SNCAIP: variants seen among roughly 807,000 people sequenced by gnomAD.
SNCAIP encodes synuclein alpha interacting protein.
Under a neutral mutation model 86.7 loss-of-function variants are expected in SNCAIP, and 43 were observed. The observed-to-expected ratio is 0.50, with a 90% CI of 0.39 to 0.64. The LOEUF is 0.64. SNCAIP is among the 30% of genes least tolerant of loss of function. The pLI, the probability that SNCAIP is intolerant of heterozygous loss-of-function variation, is 0.00. For synonymous variants in SNCAIP, 417 were observed against 427.2 expected, an observed-to-expected ratio of 0.98 and a Z score of 0.29; for missense variants, 981 against 1,103.1, an observed-to-expected ratio of 0.89 and a Z score of 1.57.
intron 1 of SNCAIP, among the ~76,000 whole-genome samples, chr5:122,379,076 AAAGTC>A (rs1692685265): frequency 1.1e-5 from 1 of 93,372 alleles, no homozygotes; most frequent in Non-Finnish European, 2.1e-5. Flanking sequence ...TTCTGTGAAG[AAAGTC>A]ATTGGTAGCT....
intron 10 of SNCAIP, among the ~76,000 whole-genome samples, chr5:122,452,355 A>G (rs556331567): frequency 1.3e-5 from 2 of 152,358 alleles, no homozygotes; most frequent in African/African-American, 4.8e-5. Flanking sequence ...AAAAAATGGT[A>G]TAGCAGCCAA....
intron 1 of SNCAIP, among the ~76,000 whole-genome samples, chr5:122,362,256 T>A (rs978134155): frequency 6.6e-6 from 1 of 152,052 alleles, no homozygotes; most frequent in Non-Finnish European, 1.5e-5. Context: ...GGACAGTGAG[T>A]CCCCACCTCT....
At chr5:122,411,047 A>T (rs1774009408) in intron 3 of SNCAIP, among the ~76,000 whole-genome samples, 1 of 152,216 alleles carries the variant, frequency 6.6e-6, no homozygotes. Flanking sequence ...AAAAACTCAC[A>T]GTCTTCTCTC....
chr5:122,383,770 A>C (rs1407118992), intron 1 of SNCAIP, among the ~76,000 whole-genome samples: 1 of 152,222 alleles, frequency 6.6e-6, no homozygotes, highest in East Asian at 1.9e-4. Flanking sequence ...CCTTACAGGA[A>C]TTTTTCAGAG....
At chr5:122,443,613 T>A in intron 7 of SNCAIP, 4 of 457,054 alleles carry the variant, frequency 8.8e-6, no homozygotes, top group Non-Finnish European at 1.8e-5. Flanking sequence ...GAGTGAGACA[T>A]GCCTTTTTAC....
rs1000201707 is a variant in SNCAIP, at chr5:122,417,228, G to A, written c.131-5640G>A. Among the ~76,000 whole-genome samples, 10 of 152,278 alleles carry A rather than the reference G, an allele frequency of 6.6e-5. No individual in the cohort carries two copies. In the East Asian group the frequency reaches 1.7e-3, roughly 27 times the overall value. On this transcript the variant is annotated intron_variant, in intron 3 of 10. Transcript: ENST00000261368. The stretch of plus-strand genomic sequence containing the variant: ...ATTTATCAGTCTTAGGAGCCAAAGA[G>A]TTGCTCTGTGTCAGCAATCAGCATA...
chr5:122,336,091 T>C (rs922138147), intron 1 of SNCAIP, among the ~76,000 whole-genome samples: 3 of 151,570 alleles, frequency 2.0e-5, no homozygotes, highest in African/African-American at 4.9e-5. Context: ...GGCCTTCTTC[T>C]ACAGACAAAA....
At position 122,434,960 on chromosome 5, in the gene SNCAIP, C is replaced by T. The variant is rs191622154; in HGVS notation, c.1296+2878C>T. ...AATTCCTCTCTTGGTTTATTTTAGC[C>T]GCTCTCTGCCCTTCATATAGATTCC... On this transcript the variant is annotated intron_variant, in intron 6 of 10. Transcript: ENST00000261368. Among the ~76,000 whole-genome samples, 38 of 152,252 alleles carry T rather than the reference C, an allele frequency of 2.5e-4. No homozygotes were observed. In the East Asian group the frequency reaches 2.5e-3, roughly 10 times the overall value.
chr5:122,336,496 AC>A (rs1416309996), intron 1 of SNCAIP, among the ~76,000 whole-genome samples: 1 of 152,184 alleles, frequency 6.6e-6, no homozygotes, highest in Non-Finnish European at 1.5e-5. Flanking sequence ...TCAGTAGATA[AC>A]TTTTTGTCCT....
chr5:122,352,912 A>G (rs1167391796), intron 1 of SNCAIP, among the ~76,000 whole-genome samples: 1 of 152,218 alleles, frequency 6.6e-6, no homozygotes, highest in Non-Finnish European at 1.5e-5. Flanking sequence ...TACCTAGAAC[A>G]GTCCTGGAAT....
At chr5:122,428,533 G>C (rs1398856859) in intron 5 of SNCAIP, among the ~76,000 whole-genome samples, 2 of 151,246 alleles carry the variant, frequency 1.3e-5, no homozygotes, top group East Asian at 3.9e-4. Context: ...CTCCAGGATA[G>C]ACCAAATGTT....
chr5:122,442,112 C>CTTTT (rs10688988), intron 7 of SNCAIP, among the ~76,000 whole-genome samples: 1,994 of 65,530 alleles, frequency 0.03, 57 homozygotes, highest in African/African-American at 0.061. Flanking sequence ...AAGCAGTACT[C>CTTTT]TTTTTTTTTT....
chr5:122,313,437 T>C (rs1751057953), intron 1 of SNCAIP, among the ~76,000 whole-genome samples: 1 of 152,254 alleles, frequency 6.6e-6, no homozygotes, highest in African/African-American at 2.4e-5. Context: ...AGTATGTCAG[T>C]TCTCCAAGGT....
At chr5:122,320,300 T>G (rs1487060023) in intron 1 of SNCAIP, among the ~76,000 whole-genome samples, 2 of 152,180 alleles carry the variant, frequency 1.3e-5, no homozygotes, top group Admixed American at 1.3e-4. Flanking sequence ...AAACTTTAAC[T>G]TAACAGATGC....
intron 5 of SNCAIP, among the ~76,000 whole-genome samples, chr5:122,431,759 A>G (rs955821915): frequency 3.9e-5 from 6 of 152,206 alleles, no homozygotes; most frequent in Admixed American, 2.0e-4. Flanking sequence ...TATGAAAATG[A>G]ACTTAAATAA....
In SNCAIP at chr5:122,423,606, C is replaced by G. The variant is rs1475127402; in HGVS notation, c.869C>G (p.Ala290Gly). Reference protein sequence around the residue: ...LRAFHLQSSAAESKPEEQVSG... With the variant: ...LRAFHLQSSAGESKPEEQVSG... The stretch of plus-strand genomic sequence containing the variant: ...GCCTTCCACCTACAATCCTCAGCAG[C>G]AGAATCCAAACCAGAAGAGCAGGTC... The change falls in exon 4 of 11, where the codon GCA becomes GGA. Residue 290 changes from alanine (A) to glycine (G), a missense_variant. By Grantham distance (60) the Ala-to-Gly change is moderately conservative (BLOSUM62 0). Coordinates refer to ENST00000261368, the MANE Select transcript of SNCAIP (RefSeq NM_005460.4). The G allele has an allele frequency of 2.0e-5, 32 of 1,613,914 alleles. No homozygotes were observed. Among genetic ancestry groups the G allele is most frequent in the Admixed American group, 3.3e-5 (2 of 60,008 alleles).
At chr5:122,421,307 T>G (rs1776314107) in intron 3 of SNCAIP, among the ~76,000 whole-genome samples, 2 of 152,234 alleles carry the variant, frequency 1.3e-5, no homozygotes, top group Admixed American at 1.3e-4. Flanking sequence ...CTGTGGTCAA[T>G]TTCAGGGAAA....
At chr5:122,337,469 C>A (rs1227426647) in intron 1 of SNCAIP, among the ~76,000 whole-genome samples, 2 of 152,062 alleles carry the variant, frequency 1.3e-5, no homozygotes, top group Admixed American at 6.5e-5. Flanking sequence ...AATCACATGA[C>A]AAGTGATGCA....
intron 1 of SNCAIP, among the ~76,000 whole-genome samples, chr5:122,376,863 G>A (rs1765426273): frequency 6.6e-6 from 1 of 152,098 alleles, no homozygotes; most frequent in Non-Finnish European, 1.5e-5. Context: ...AGTTTCATGG[G>A]TGTTTGTCAA....
Sources: gnomAD v4.1 joint callset for allele counts (sites outside exome capture counted in the v4.1 genomes callset) on GRCh38, gnomAD v4.1.1 for gene constraint, MANE v1.5 for transcripts, NCBI Gene and HGNC (gene_info 2026-07-23, HGNC 2026-07-21) for gene names.